The following DAB1 variants were observed in gnomAD, a reference collection of about 807,000 sequenced individuals.
The protein encoded by DAB1 is disabled homolog 1.
Under a neutral mutation model 64.6 loss-of-function variants are expected in DAB1, and 15 were observed. The ratio of observed to expected loss-of-function variants is 0.23; its 90% CI spans 0.16 to 0.36. The LOEUF is 0.36. Among genes scored for constraint, DAB1 ranks in the 10% least tolerant of loss-of-function variants. The pLI is 1.00. For synonymous variants in DAB1, 235 were observed against 251.9 expected, an observed-to-expected ratio of 0.93 and a Z score of 0.64; for missense variants, 596 against 706.7, an observed-to-expected ratio of 0.84 and a Z score of 1.78.
At chr1:57,595,455 C>T (rs192069841) in intron 7 of DAB1, among the ~76,000 whole-genome samples, 294 of 152,162 alleles carry the variant, frequency 1.9e-3, no homozygotes, top group African/African-American at 6.7e-3. Flanking sequence ...AAGCAGTAGA[C>T]GTAGCCTTGT....
At chr1:58,466,305 G>A (rs956609672) in intron 3 of DAB1, among the ~76,000 whole-genome samples, 4 of 148,070 alleles carry the variant, frequency 2.7e-5, no homozygotes, top group Non-Finnish European at 6.0e-5. Flanking sequence ...CTCCTTCACC[G>A]GGAGTCAGGT....
intron 6 of DAB1, among the ~76,000 whole-genome samples, chr1:57,741,572 C>A (rs1457777736): frequency 6.6e-6 from 1 of 152,160 alleles, no homozygotes; most frequent in Non-Finnish European, 1.5e-5. Context: ...CAGTTGGGAC[C>A]ATTTACTGAA....
At chr1:57,050,238 A>G (rs982368846) in intron 9 of DAB1, among the ~76,000 whole-genome samples, 1 of 152,168 alleles carries the variant, frequency 6.6e-6, no homozygotes, top group African/African-American at 2.4e-5. Context: ...GGATACACTT[A>G]GATGATTCCA....
At chr1:57,005,296 T>C (rs1374805492) in intron 14 of DAB1, among the ~76,000 whole-genome samples, 1 of 152,228 alleles carries the variant, frequency 6.6e-6, no homozygotes, top group Non-Finnish European at 1.5e-5. Context: ...CCTTGTTATA[T>C]AACAGATGAT....
intron 9 of DAB1, among the ~76,000 whole-genome samples, chr1:57,027,592 A>G (rs1403576342): frequency 1.3e-5 from 2 of 152,290 alleles, no homozygotes; most frequent in East Asian, 3.9e-4. Flanking sequence ...CACTTTCAAT[A>G]TCTGCAACTC....
chr1:57,335,652 T>C (rs1570307427), intron 1 of DAB1, among the ~76,000 whole-genome samples: 1 of 152,172 alleles, frequency 6.6e-6, no homozygotes, highest in Non-Finnish European at 1.5e-5. Flanking sequence ...CATAATTCCT[T>C]GAAATTTACA....
chr1:57,247,770 G>A (rs1354210284), intron 2 of DAB1, among the ~76,000 whole-genome samples: 2 of 152,064 alleles, frequency 1.3e-5, no homozygotes, highest in African/African-American at 4.8e-5. Context: ...TTTAGGCTTG[G>A]CCCATAAAGA....
chr1:57,030,703 G>A (rs1646939747), intron 9 of DAB1, among the ~76,000 whole-genome samples: 1 of 152,222 alleles, frequency 6.6e-6, no homozygotes, highest in South Asian at 2.1e-4. Flanking sequence ...CAGCACACAG[G>A]TGCTCTCCCA....
At chr1:57,931,585 G>A (rs1644953862) in intron 5 of DAB1, among the ~76,000 whole-genome samples, 1 of 152,136 alleles carries the variant, frequency 6.6e-6, no homozygotes, top group Non-Finnish European at 1.5e-5. Flanking sequence ...GGCAAATGGT[G>A]TCTGTCACGG....
At chr1:57,372,457 G>A (rs1680575013) in intron 1 of DAB1, among the ~76,000 whole-genome samples, 2 of 152,188 alleles carry the variant, frequency 1.3e-5, no homozygotes, top group Admixed American at 6.6e-5. Flanking sequence ...TTGGAATTTA[G>A]CACTTTGGAG....
intron 4 of DAB1, among the ~76,000 whole-genome samples, chr1:58,306,075 T>C (rs1373250323): frequency 6.7e-6 from 1 of 150,026 alleles, no homozygotes; most frequent in Non-Finnish European, 1.5e-5. Context: ...GGTTCGCCTG[T>C]GTGGGTGATG....
upstream of DAB1, among the ~76,000 whole-genome samples, chr1:57,428,029 G>A (rs1233496838): frequency 2.6e-5 from 4 of 152,146 alleles, no homozygotes; most frequent in South Asian, 2.1e-4. Context: ...TTAGCCGGGC[G>A]TGGTGGCTCA....
At chr1:58,428,176 T>C (rs140053724) in intron 3 of DAB1, among the ~76,000 whole-genome samples, 8 of 152,352 alleles carry the variant, frequency 5.3e-5, no homozygotes, top group East Asian at 1.9e-4. Context: ...TGTTAACCCC[T>C]GATGAAATAT....
intron 5 of DAB1, among the ~76,000 whole-genome samples, chr1:58,037,036 T>C (rs1647054915): frequency 6.6e-6 from 1 of 152,036 alleles, no homozygotes; most frequent in African/African-American, 2.4e-5. Context: ...ATGAAGACCC[T>C]AGGATGCCTT....
intron 4 of DAB1, among the ~76,000 whole-genome samples, chr1:57,116,738 A>G (rs1461881203): frequency 6.6e-6 from 1 of 152,154 alleles, no homozygotes; most frequent in Admixed American, 6.5e-5. Context: ...TTATAGCCCA[A>G]TGGCTTCAAT....
At chr1:58,175,701 T>C (rs1327614041) in intron 4 of DAB1, among the ~76,000 whole-genome samples, 1 of 152,234 alleles carries the variant, frequency 6.6e-6, no homozygotes, top group Non-Finnish European at 1.5e-5. Context: ...GCTACTGCAT[T>C]GGAGTCAATA....
intron 6 of DAB1, among the ~76,000 whole-genome samples, chr1:57,777,090 CTTT>C (rs796627429): frequency 9.0e-6 from 1 of 111,646 alleles, no homozygotes; most frequent in Non-Finnish European, 1.9e-5. Context: ...AGGTTGACAG[CTTT>C]TTTTTTTTTA....
intron 4 of DAB1, among the ~76,000 whole-genome samples, chr1:58,285,394 C>A (rs1661658430): frequency 6.6e-6 from 1 of 152,062 alleles, no homozygotes; most frequent in Non-Finnish European, 1.5e-5. Flanking sequence ...TAGAAATATC[C>A]CTGTATTTAA....
chr1:58,251,961 G>T (rs371748014), intron 4 of DAB1, among the ~76,000 whole-genome samples: 1 of 152,064 alleles, frequency 6.6e-6, no homozygotes, highest in Non-Finnish European at 1.5e-5. Context: ...CTGTAGTTCC[G>T]CTAGGAAAAA....
Sources: gnomAD v4.1 joint callset for allele counts (sites outside exome capture counted in the v4.1 genomes callset) on GRCh38, gnomAD v4.1.1 for gene constraint, MANE v1.5 for transcripts, NCBI Gene and HGNC (gene_info 2026-07-23, HGNC 2026-07-21) for gene names.